The following GPC5 variants were observed in gnomAD, a reference collection of about 807,000 sequenced individuals.
The protein encoded by GPC5 is glypican-5.
GPC5 carries 47 observed loss-of-function variants against 53.9 expected under a neutral mutation model. That is an observed-to-expected ratio of 0.87 (90% CI 0.69 to 1.11). The LOEUF (loss-of-function observed/expected upper bound fraction) is 1.11, where lower values mean the gene tolerates loss of function less well. Ranked by LOEUF, GPC5 falls within the 50% of genes most tolerant of loss-of-function variation. The pLI is 0.00. For missense variants in GPC5, 748 were observed against 713.1 expected, an observed-to-expected ratio of 1.05 and a Z score of -0.56; for synonymous variants, 286 against 263.3, an observed-to-expected ratio of 1.09 and a Z score of -0.84.
chr13:92,228,231 C>T (rs544750358), intron 7 of GPC5, among the ~76,000 whole-genome samples: 6 of 151,270 alleles, frequency 4.0e-5, no homozygotes, highest in Admixed American at 6.6e-5. Flanking sequence ...TCAATGAACC[C>T]GTGTTGTTCA....
chr13:92,270,960 A>G (rs190652961), intron 7 of GPC5, among the ~76,000 whole-genome samples: 27 of 152,200 alleles, frequency 1.8e-4, no homozygotes, highest in African/African-American at 6.3e-4. Flanking sequence ...GGTCTTTATG[A>G]ACCATGCTCA....
At chr13:92,032,363 A>G (rs950166809) in intron 6 of GPC5, among the ~76,000 whole-genome samples, 7 of 151,558 alleles carry the variant, frequency 4.6e-5, no homozygotes, top group African/African-American at 1.5e-4. Context: ...GGATGCACCA[A>G]AATCTTAGAA....
At chr13:92,865,898 G>A (rs1379423802) in intron 7 of GPC5, among the ~76,000 whole-genome samples, 1 of 151,946 alleles carries the variant, frequency 6.6e-6, no homozygotes, top group Admixed American at 6.6e-5. Context: ...CCCTCAACTG[G>A]TTTTATTTTC....
At chr13:91,594,815 A>T (rs1263048790) in intron 2 of GPC5, among the ~76,000 whole-genome samples, 1 of 151,830 alleles carries the variant, frequency 6.6e-6, no homozygotes, top group Non-Finnish European at 1.5e-5. Context: ...AGAAGCTGGG[A>T]CTAGAGGGCA....
At chr13:92,865,478 A>G (rs1157238) in intron 7 of GPC5, among the ~76,000 whole-genome samples, 94,437 of 152,032 alleles carry the variant, frequency 0.62, 30,193 homozygotes, top group East Asian at 0.79. Context: ...GGGGAAAGTA[A>G]AAGGGTGGCT....
intron 6 of GPC5, among the ~76,000 whole-genome samples, chr13:91,936,784 T>A: frequency 6.6e-6 from 1 of 152,038 alleles, no homozygotes; most frequent in East Asian, 1.9e-4. Context: ...TCAATTTGTT[T>A]GAGAGTCTGC....
intron 6 of GPC5, among the ~76,000 whole-genome samples, chr13:91,948,718 C>A (rs758988204): frequency 1.3e-5 from 2 of 152,122 alleles, no homozygotes; most frequent in Non-Finnish European, 2.9e-5. Flanking sequence ...TAGATTTTGG[C>A]ACATGTGATA....
intron 6 of GPC5, among the ~76,000 whole-genome samples, chr13:91,922,213 T>C (rs2139018640): frequency 6.6e-6 from 1 of 152,316 alleles, no homozygotes; most frequent in South Asian, 2.1e-4. Context: ...ATAAAGAGCT[T>C]GTGCATAGGA....
chr13:91,541,068 T>C (rs1245865261), intron 2 of GPC5, among the ~76,000 whole-genome samples: 1 of 152,276 alleles, frequency 6.6e-6, no homozygotes, highest in African/African-American at 2.4e-5. Context: ...AATTACCTAA[T>C]TTTTGTGTTT....
At chr13:92,579,322 C>CCTCT (rs911678107) in intron 7 of GPC5, among the ~76,000 whole-genome samples, 2 of 95,934 alleles carry the variant, frequency 2.1e-5, no homozygotes, top group Admixed American at 1.2e-4. Flanking sequence ...TCCCTCCCTC[C>CCTCT]CTCTCTCTCT....
At chr13:92,197,299 T>TGTC (rs1451868273) in intron 7 of GPC5, among the ~76,000 whole-genome samples, 1 of 152,212 alleles carries the variant, frequency 6.6e-6, no homozygotes, top group East Asian at 1.9e-4. Context: ...CAGATATAAA[T>TGTC]AATATTGACA....
At chr13:91,788,173 G>T (rs1462668507) in intron 5 of GPC5, among the ~76,000 whole-genome samples, 4 of 152,158 alleles carry the variant, frequency 2.6e-5, no homozygotes, top group African/African-American at 4.8e-5. Flanking sequence ...CAAGAACAAG[G>T]TGCTGACATG....
chr13:91,797,818 C>T lies in GPC5; in HGVS notation c.1280+41398C>T, dbSNP rs533135375. ...GATGCTTGTGATACCTTCGCTGGCC[C>T]GGTGGTCTTGTTATTTGGTTGTGTT... On this transcript the variant is annotated intron_variant, in intron 5 of 7. Transcript: ENST00000377067. Among the ~76,000 whole-genome samples, 76 of 152,146 alleles carry T rather than the reference C, an allele frequency of 5.0e-4. 1 individual carries two copies. The highest frequency in any genetic ancestry group is 3.4e-3 in the Middle Eastern group (1 of 294).
intron 7 of GPC5, among the ~76,000 whole-genome samples, chr13:92,819,615 T>G (rs867173439): frequency 6.6e-6 from 1 of 152,212 alleles, no homozygotes; most frequent in Non-Finnish European, 1.5e-5. Context: ...TTTTTTCACT[T>G]AAGTCATATG....
intron 7 of GPC5, among the ~76,000 whole-genome samples, chr13:92,587,263 T>A (rs1442912195): frequency 5.9e-5 from 9 of 152,220 alleles, no homozygotes; most frequent in Admixed American, 5.9e-4. Flanking sequence ...TAATAACTAC[T>A]TACATTTGTA....
At chr13:92,238,100 G>T (rs973030133) in intron 7 of GPC5, among the ~76,000 whole-genome samples, 1 of 151,646 alleles carries the variant, frequency 6.6e-6, no homozygotes, top group African/African-American at 2.4e-5. Flanking sequence ...CTCTGTTTTT[G>T]TTTGTTATAA....
chr13:92,316,861 A>G (rs545837931), intron 7 of GPC5, among the ~76,000 whole-genome samples: 2 of 152,128 alleles, frequency 1.3e-5, no homozygotes, highest in East Asian at 3.9e-4. Flanking sequence ...AATTACCCAA[A>G]ATTTTTAGAC....
At chr13:92,464,202 G>A (rs1398868464) in intron 7 of GPC5, among the ~76,000 whole-genome samples, 4 of 152,124 alleles carry the variant, frequency 2.6e-5, no homozygotes, top group South Asian at 2.1e-4. Context: ...TGGTGCAGAC[G>A]ACATATCTTC....
At chr13:91,602,271 G>A (rs1173752006) in intron 2 of GPC5, among the ~76,000 whole-genome samples, 1 of 152,166 alleles carries the variant, frequency 6.6e-6, no homozygotes, top group Non-Finnish European at 1.5e-5. Context: ...AGTCCTTTTA[G>A]ATAAAAGTGA....
Sources: gnomAD v4.1 joint callset for allele counts (sites outside exome capture counted in the v4.1 genomes callset) on GRCh38, gnomAD v4.1.1 for gene constraint, MANE v1.5 for transcripts, NCBI Gene and HGNC (gene_info 2026-07-23, HGNC 2026-07-21) for gene names.